The following THUMPD2 variants were observed in gnomAD, a reference collection of about 807,000 sequenced individuals.
The protein encoded by THUMPD2 is U6 snRNA (guanine-N(2))-methyltransferase THUMPD2.
THUMPD2 carries 56 observed loss-of-function variants against 49.4 expected under a neutral mutation model. The ratio of observed to expected loss-of-function variants is 1.13; its 90% CI spans 0.91 to 1.41. The LOEUF (loss-of-function observed/expected upper bound fraction) is 1.41. Among genes scored for constraint, THUMPD2 ranks in the 40% most tolerant of loss-of-function variants. THUMPD2 has a pLI of 0.00. For missense variants in THUMPD2, 709 were observed against 594.5 expected, an observed-to-expected ratio of 1.19 and a Z score of -2.00; for synonymous variants, 237 against 205.2, an observed-to-expected ratio of 1.15 and a Z score of -1.32.
chr2:39,748,518 T>C (rs758234885), intron 8 of THUMPD2, among the ~76,000 whole-genome samples: 1 of 151,724 alleles, frequency 6.6e-6, no homozygotes, highest in Non-Finnish European at 1.5e-5. Context: ...CTGGCCAACA[T>C]GGTGAAACCC....
chr2:39,756,084 G>T, intron 6 of THUMPD2, 124 bp from the exon 7 acceptor site: 1 of 851,906 alleles, frequency 1.2e-6, no homozygotes. Flanking sequence ...GGTGGTGGCT[G>T]AAGGGACAGA....
intron 9 of THUMPD2, among the ~76,000 whole-genome samples, chr2:39,743,230 C>T (rs1443146020): frequency 6.6e-6 from 1 of 152,062 alleles, no homozygotes; most frequent in African/African-American, 2.4e-5. Flanking sequence ...TATCAAATTC[C>T]CAGCTAGACA....
At chr2:39,744,574 T>C (rs1674323435) in intron 8 of THUMPD2, 96 bp from the exon 9 acceptor site, 2 of 736,114 alleles carry the variant, frequency 2.7e-6, no homozygotes, top group Admixed American at 7.5e-5. Flanking sequence ...TATTTTTGCG[T>C]AACAGATTAA....
At chr2:39,740,445 A>G (rs1673747290) in intron 9 of THUMPD2, among the ~76,000 whole-genome samples, 1 of 152,164 alleles carries the variant, frequency 6.6e-6, no homozygotes, top group Non-Finnish European at 1.5e-5. Context: ...CCTTTTGTGC[A>G]TATGTACATG....
At position 39,755,402 on chromosome 2, in the gene THUMPD2, T is replaced by A. The variant is rs1675969196; in HGVS notation, c.971A>T (p.Tyr324Phe). Residue 324 changes from tyrosine to phenylalanine, a missense_variant, in exon 8 of 10, where the codon TAT (tyrosine) becomes TTT (phenylalanine). Coordinates refer to ENST00000505747, the MANE Select transcript of THUMPD2 (RefSeq NM_025264.5). ...LEAAKEWPDV[Y>F]YVGADVSDSQ... ...GTCGCTGACATCAGCACCTACATAATACACATCCTATGGGGAAATAAATAT... is the reference window on the plus strand; with the variant it reads ...GTCGCTGACATCAGCACCTACATAAAACACATCCTATGGGGAAATAAATAT... 6.4e-7 allele frequency: 1 copy of A among 1,556,304 alleles called. No homozygotes were observed. Among genetic ancestry groups the A allele is most frequent in the South Asian group, 1.2e-5 (1 of 83,088 alleles).
intron 8 of THUMPD2, among the ~76,000 whole-genome samples, chr2:39,752,831 G>C (rs1182648640): frequency 6.6e-6 from 1 of 152,122 alleles, no homozygotes; most frequent in Non-Finnish European, 1.5e-5. Context: ...ATAATCTCCA[G>C]TATCAACAGT....
chr2:39,766,081 G>C lies in THUMPD2; in HGVS notation c.779C>G (p.Ser260Cys). The part of the protein sequence containing the change: ...EIFIHLNDIY[S>C]VVGIPVFRVS... ...CCTGAACACAGGAATCCCCACCACA[G>C]AGTAAATGTCATTTAGATGTATAAA... Residue 260 changes from serine to cysteine, a missense_variant, in exon 5 of 10, where the codon TCT becomes TGT. Physicochemically the swap from Ser to Cys is moderately radical, Grantham distance 112. Transcript: ENST00000505747. 6.3e-7 allele frequency: 1 copy of C among 1,586,124 alleles called. No individual in the cohort carries two copies. The highest frequency in any genetic ancestry group is 8.5e-7 in the Non-Finnish European group (1 of 1,170,240).
intron 3 of THUMPD2, 69 bp from the exon 4 acceptor site, chr2:39,768,570 C>A: frequency 8.1e-7 from 1 of 1,242,224 alleles, no homozygotes; most frequent in South Asian, 1.3e-5. Context: ...GTCAGCAAAA[C>A]TAACAGAGTA....
In THUMPD2 at chr2:39,755,283, T is replaced by C. The variant is rs1360399731; in HGVS notation, c.1078+12A>G. On this transcript the variant is annotated intron_variant, in intron 8 of 9. Transcript: ENST00000505747. The stretch of plus-strand genomic sequence containing the variant: ...TCCTTTTCTCAATTGTTTTGCATTT[T>C]TAGTATCTTACCTATAACAGAGATT... 6.8e-7 allele frequency: 1 copy of C among 1,472,464 alleles called. No homozygotes were observed. The highest frequency in any genetic ancestry group is 1.5e-5 in the African/African-American group (1 of 67,554). 91.2% of individuals were successfully genotyped at this position (1,472,464 alleles called of 1,614,324 possible). A position where few individuals can be genotyped will look rare whatever the true frequency, so the allele number is the denominator to read the frequency against.
intron 5 of THUMPD2, among the ~76,000 whole-genome samples, chr2:39,762,799 C>T (rs755401067): frequency 1.5e-4 from 22 of 149,662 alleles, no homozygotes; most frequent in Non-Finnish European, 7.4e-5. Flanking sequence ...AAAAGGGAGA[C>T]GCAGTATGGG....
intron 4 of THUMPD2, among the ~76,000 whole-genome samples, 159 bp downstream of exon 4, chr2:39,768,265 C>A (rs1305580022): frequency 2.6e-5 from 4 of 152,156 alleles, no homozygotes; most frequent in African/African-American, 7.2e-5. Context: ...GCAAAACTAT[C>A]TGTACTATTC....
intron 6 of THUMPD2, among the ~76,000 whole-genome samples, chr2:39,759,001 T>C (rs1224994311): frequency 6.6e-6 from 1 of 151,964 alleles, no homozygotes; most frequent in African/African-American, 2.4e-5. Flanking sequence ...ATAAATAAAT[T>C]AAAATAGAGC....
rs762522258 is a variant in THUMPD2 at position 39,769,805 on chromosome 2, T to A, written c.577A>T (p.Ile193Leu). Residue 193 changes from isoleucine (I) to leucine (L), a missense_variant, in exon 3 of 10, where the codon ATA becomes TTA. By Grantham distance (5) the Ile-to-Leu change is conservative. Transcript: ENST00000505747. ...TTATGAGTATCAATTGCTTTCTCTA[T>A]GTCATTCTGAAATTCTTCTTCTTGA... ...KFQEEEFQND[I>L]EKAIDTHNQN... 1.2e-6 allele frequency: 2 copies of A among 1,611,602 alleles called. No homozygotes were observed. Among genetic ancestry groups the A allele is most frequent in the African/African-American group, 2.7e-5 (2 of 74,452 alleles).
intron 6 of THUMPD2, chr2:39,757,233 C>A (rs1676260506): frequency 2.1e-6 from 1 of 472,516 alleles, no homozygotes; most frequent in Non-Finnish European, 4.1e-6. Context: ...CAAGGAGGAG[C>A]AAGCAGGAAC....
rs1366707393 is a variant in THUMPD2, at chr2:39,771,603, C to T, written c.164G>A (p.Cys55Tyr). 3.1e-6 allele frequency: 5 copies of T among 1,605,298 alleles called. No individual in the cohort carries two copies. In the African/African-American group the frequency reaches 4.0e-5, roughly 13 times the overall value. ...TTTCTTCAACATATTCAAATCAGAA[C>T]AGGTGGTGAAAAAAACCTTTCCTGA... ...YISGKVFFTTCSDLNMLKKLK... is the reference protein window; with the variant it reads ...YISGKVFFTTYSDLNMLKKLK... Residue 55 changes from cysteine (C) to tyrosine (Y), a missense_variant, in exon 2 of 10, where the codon TGT becomes TAT. Transcript: ENST00000505747.
chr2:39,769,802 C>G lies in THUMPD2; in HGVS notation c.580G>C (p.Glu194Gln), dbSNP rs772844217. ...TGATTATGAGTATCAATTGCTTTCT[C>G]TATGTCATTCTGAAATTCTTCTTCT... is the stretch of plus-strand genomic sequence containing the variant. ...FQEEEFQNDI[E>Q]KAIDTHNQND... is the part of the protein sequence containing the mutation. Residue 194 changes from glutamate to glutamine, a missense_variant, in exon 3 of 10, where the codon GAG becomes CAG. By Grantham distance (29) the Glu-to-Gln change is conservative (BLOSUM62 2). Transcript: ENST00000505747. 1 of 1,611,352 alleles carries G rather than the reference C, an allele frequency of 6.2e-7. No homozygotes were observed. The highest frequency in any genetic ancestry group is 8.5e-7 in the Non-Finnish European group (1 of 1,179,408).
At chr2:39,744,576 A>T in intron 8 of THUMPD2, 98 bp from the exon 9 acceptor site, 1 of 737,202 alleles carries the variant, frequency 1.4e-6, no homozygotes. Flanking sequence ...TTTTTGCGTA[A>T]CAGATTAACA....
chr2:39,763,812 A>C (rs1195051833), intron 5 of THUMPD2, among the ~76,000 whole-genome samples: 2 of 152,068 alleles, frequency 1.3e-5, no homozygotes, highest in Non-Finnish European at 2.9e-5. Context: ...GCTTGTTTCT[A>C]ATTTTCTACC....
chr2:39,775,738 G>A (rs906658247), intron 1 of THUMPD2, among the ~76,000 whole-genome samples: 10 of 136,274 alleles, frequency 7.3e-5, no homozygotes, highest in Non-Finnish European at 1.1e-4. Flanking sequence ...ACTCCAGCCT[G>A]GGCGACAGAG....
Sources: gnomAD v4.1 joint callset for allele counts (sites outside exome capture counted in the v4.1 genomes callset) on GRCh38, gnomAD v4.1.1 for gene constraint, MANE v1.5 for transcripts, NCBI Gene and HGNC (gene_info 2026-07-23, HGNC 2026-07-21) for gene names.